The following ADGRL2 variants were observed in gnomAD, a reference collection of about 807,000 sequenced individuals.
ADGRL2 encodes the protein adhesion G protein-coupled receptor L2, also known as calcium-independent alpha-latrotoxin receptor 2.
Under a neutral mutation model 157.4 loss-of-function variants are expected in ADGRL2, and 44 were observed. The observed-to-expected ratio is 0.28, with a 90% confidence interval of 0.22 to 0.36. The LOEUF (loss-of-function observed/expected upper bound fraction) is 0.36. Ranked by LOEUF, ADGRL2 falls within the 10% of genes least tolerant of loss-of-function variation. The pLI, the probability that ADGRL2 is intolerant of heterozygous loss-of-function variation, is 1.00. For missense variants in ADGRL2, 1,510 were observed against 1,768.9 expected, an observed-to-expected ratio of 0.85 and a Z score of 2.63; for synonymous variants, 585 against 624.7, an observed-to-expected ratio of 0.94 and a Z score of 0.95.
intron 3 of ADGRL2, among the ~76,000 whole-genome samples, chr1:81,908,245 C>G (rs140959742): frequency 6.6e-6 from 1 of 152,108 alleles, no homozygotes; most frequent in Non-Finnish European, 1.5e-5. Flanking sequence ...CAATGCATAT[C>G]CCAGAAAGTA....
intron 3 of ADGRL2, among the ~76,000 whole-genome samples, chr1:81,581,874 G>GCACACACACACA (rs869309464): frequency 2.4e-5 from 2 of 83,556 alleles, no homozygotes; most frequent in Non-Finnish European, 3.1e-5. Flanking sequence ...ACACATGCGC[G>GCACACACACACA]CACACACACA....
At chr1:81,987,962 C>A in intron 23 of ADGRL2, 76 bp downstream of exon 23, 1 of 298,552 alleles carries the variant, frequency 3.3e-6, no homozygotes, top group East Asian at 1.3e-4. Context: ...ACAATTAAAA[C>A]ATAACTAGCA....
At chr1:81,708,491 G>A (rs891061245) in intron 1 of ADGRL2, among the ~76,000 whole-genome samples, 9 of 152,050 alleles carry the variant, frequency 5.9e-5, no homozygotes, top group South Asian at 2.1e-4. Flanking sequence ...TTTCCTACAC[G>A]CATCTGCAGA....
chr1:81,652,653 T>C (rs1049077602), intron 3 of ADGRL2, among the ~76,000 whole-genome samples: 1 of 152,144 alleles, frequency 6.6e-6, no homozygotes, highest in African/African-American at 2.4e-5. Flanking sequence ...CTTTTCTTTT[T>C]AAAAATGTCA....
intron 2 of ADGRL2, among the ~76,000 whole-genome samples, chr1:81,480,225 T>A (rs1346851775): frequency 6.6e-6 from 1 of 152,206 alleles, no homozygotes; most frequent in Admixed American, 6.5e-5. Context: ...GCCTGGTGGA[T>A]GAACTTTTCA....
At chr1:81,956,564 A>G (rs943446558) in intron 11 of ADGRL2, among the ~76,000 whole-genome samples, 2 of 152,212 alleles carry the variant, frequency 1.3e-5, no homozygotes, top group South Asian at 4.1e-4. Flanking sequence ...TCCGTGCTTC[A>G]TAGATTGCAG....
At position 81,776,469 on chromosome 1, in the gene ADGRL2, G is replaced by A. The variant is rs142678704; in HGVS notation, c.-101+14617G>A. On this transcript the variant is annotated intron_variant, in intron 2 of 20. Coordinates refer to the ADGRL2 transcript ENST00000359929. ...CCCAAAGTGCTGGGATTATAGGCATGAGCCACCACGCCTGGCCAGTAAGAT... is the reference window on the plus strand; with the variant it reads ...CCCAAAGTGCTGGGATTATAGGCATAAGCCACCACGCCTGGCCAGTAAGAT... 3.8e-3 allele frequency among the ~76,000 whole-genome samples: 585 copies of A among 152,316 alleles called. 1 individual carries two copies. The highest frequency in any genetic ancestry group is 8.3e-3 in the Admixed American group (127 of 15,298).
chr1:81,730,145 C>T (rs1340966401), intron 1 of ADGRL2, among the ~76,000 whole-genome samples: 1 of 152,170 alleles, frequency 6.6e-6, no homozygotes, highest in African/African-American at 2.4e-5. Flanking sequence ...GTTAGAAAAC[C>T]TGTGTTATAC....
At chr1:81,397,868 G>C (rs4622107) in intron 1 of ADGRL2, among the ~76,000 whole-genome samples, 1 of 151,886 alleles carries the variant, frequency 6.6e-6, no homozygotes, top group African/African-American at 2.4e-5. Context: ...AGGTTTCTTG[G>C]TTGATTTTTT....
chr1:81,360,015 A>T (rs553645214), intron 1 of ADGRL2, among the ~76,000 whole-genome samples: 10 of 152,130 alleles, frequency 6.6e-5, no homozygotes, highest in African/African-American at 2.4e-4. Flanking sequence ...ATTTTAAAAC[A>T]ATCGAATTGT....
At chr1:81,541,693 T>C (rs1229890185) in intron 2 of ADGRL2, among the ~76,000 whole-genome samples, 1 of 151,914 alleles carries the variant, frequency 6.6e-6, no homozygotes. Flanking sequence ...CTCACGCCTG[T>C]AATCCCAGCA....
Position 81,925,285 on chromosome 1 carries a change from T to A in ADGRL2, c.288-11443T>A, listed in dbSNP as rs1159267787. Among the ~76,000 whole-genome samples the A allele has an allele frequency of 2.0e-5, 3 of 152,232 alleles. No homozygotes were observed. The South Asian group carries it at 6.2e-4, about 32-fold the overall frequency. On this transcript the variant is annotated intron_variant, in intron 3 of 23. Transcript: ENST00000686636. ...CATTAACTTATTAATTCAGTTCATA[T>A]ATTCAGATATTGCTTGCTCATTCTT... is the stretch of plus-strand genomic sequence containing the variant.
At chr1:81,430,173 G>A (rs531798534) in intron 1 of ADGRL2, among the ~76,000 whole-genome samples, 3 of 152,312 alleles carry the variant, frequency 2.0e-5, no homozygotes, top group Admixed American at 6.5e-5. Context: ...GATTACAGGC[G>A]TGAGCCACTG....
chr1:81,324,016 G>A (rs1195459116), intron 1 of ADGRL2, among the ~76,000 whole-genome samples: 1 of 152,160 alleles, frequency 6.6e-6, no homozygotes, highest in African/African-American at 2.4e-5. Flanking sequence ...AGCTCCCGAA[G>A]AATTTAAGCA....
At chr1:81,611,545 T>C (rs747194128) in intron 3 of ADGRL2, among the ~76,000 whole-genome samples, 13 of 152,186 alleles carry the variant, frequency 8.5e-5, no homozygotes, top group East Asian at 7.7e-4. Flanking sequence ...AGGCCCTTAT[T>C]TTACAGACTT....
At chr1:81,787,790 C>T (rs1571222850) in intron 2 of ADGRL2, among the ~76,000 whole-genome samples, 1 of 152,090 alleles carries the variant, frequency 6.6e-6, no homozygotes, top group Non-Finnish European at 1.5e-5. Context: ...AATAAAGGGG[C>T]AATATAATTT....
chr1:81,937,894 A>T (rs1421889936), intron 4 of ADGRL2, among the ~76,000 whole-genome samples: 1 of 151,826 alleles, frequency 6.6e-6, no homozygotes, highest in Non-Finnish European at 1.5e-5. Context: ...ATTCTGATAG[A>T]TCTGCTGTGT....
At chr1:81,886,228 G>T (rs1309632560) in intron 2 of ADGRL2, among the ~76,000 whole-genome samples, 11 of 152,142 alleles carry the variant, frequency 7.2e-5, no homozygotes. Context: ...CTGGAGTGCA[G>T]TGGTGCGATC....
intron 1 of ADGRL2, among the ~76,000 whole-genome samples, chr1:81,409,804 AG>A: frequency 6.6e-6 from 1 of 152,346 alleles, no homozygotes; most frequent in South Asian, 2.1e-4. Context: ...TTAGCAAGAA[AG>A]GATAAATTTC....
Sources: allele counts gnomAD v4.1 joint callset (sites outside exome capture counted in the v4.1 genomes callset), GRCh38; gene constraint gnomAD v4.1.1; transcripts MANE v1.5; gene names NCBI Gene and HGNC (gene_info 2026-07-23, HGNC 2026-07-21).